Variants in GALNT2 observed in about 807,000 individuals in gnomAD.
GALNT2 encodes polypeptide N-acetylgalactosaminyltransferase 2, also known as UDP-GalNAc:polypeptide N-acetylgalactosaminyltransferase 2.
A neutral mutation model predicts 81.4 loss-of-function variants in GALNT2; 31 were observed. That is an observed-to-expected ratio of 0.38 (90% CI 0.29 to 0.51). The LOEUF is 0.51. GALNT2 is among the 20% of genes least tolerant of loss of function. GALNT2 has a pLI of 0.87. For missense variants in GALNT2, 629 were observed against 765.7 expected, an observed-to-expected ratio of 0.82 and a Z score of 2.11; for synonymous variants, 303 against 287.4, an observed-to-expected ratio of 1.05 and a Z score of -0.55.
At chr1:230,230,131 G>A (rs1397389285) in intron 3 of GALNT2, among the ~76,000 whole-genome samples, 1 of 152,194 alleles carries the variant, frequency 6.6e-6, no homozygotes, top group African/African-American at 2.4e-5. Context: ...AGTGATGTCA[G>A]TTGCTGCCAA....
At chr1:230,120,525 A>T (rs1003349607) in intron 1 of GALNT2, among the ~76,000 whole-genome samples, 1 of 152,126 alleles carries the variant, frequency 6.6e-6, no homozygotes, top group East Asian at 1.9e-4. Context: ...TTCCATGTCT[A>T]AGTGGAGTCC....
intron 3 of GALNT2, among the ~76,000 whole-genome samples, chr1:230,206,815 A>AT: frequency 6.6e-6 from 1 of 152,112 alleles, no homozygotes; most frequent in Non-Finnish European, 1.5e-5. Flanking sequence ...CCAGTTCTTA[A>AT]TTCTGTGACC....
chr1:230,255,527 C>T (rs982115114), intron 11 of GALNT2, 183 bp downstream of exon 11: 1 of 716,206 alleles, frequency 1.4e-6, no homozygotes, highest in Non-Finnish European at 2.3e-6. Context: ...GGCGCCTTTC[C>T]AGGGCATGAT....
intron 6 of GALNT2, among the ~76,000 whole-genome samples, chr1:230,238,070 A>G (rs192404569): frequency 6.6e-6 from 1 of 152,340 alleles, no homozygotes; most frequent in East Asian, 1.9e-4. Flanking sequence ...AAGCCAGATT[A>G]TGGAAAGCCT....
At chr1:230,254,827 A>T (rs1343763328) in intron 10 of GALNT2, among the ~76,000 whole-genome samples, 1 of 152,250 alleles carries the variant, frequency 6.6e-6, no homozygotes, top group Admixed American at 6.5e-5. Flanking sequence ...CTAGTGAAGA[A>T]TTCAGCACAA....
intron 1 of GALNT2, among the ~76,000 whole-genome samples, chr1:230,075,246 C>T (rs1328863797): frequency 6.6e-6 from 1 of 151,148 alleles, no homozygotes; most frequent in East Asian, 2.0e-4. Flanking sequence ...GTGCCTCAGC[C>T]TCCTGAGTGG....
chr1:230,138,496 G>T (rs999179637), intron 1 of GALNT2, among the ~76,000 whole-genome samples: 21 of 144,856 alleles, frequency 1.4e-4, no homozygotes, highest in African/African-American at 5.4e-4. Flanking sequence ...CTGCACCCCA[G>T]CCTGGGCGAT....
At chr1:230,130,302 A>G (rs1342772446) in intron 1 of GALNT2, among the ~76,000 whole-genome samples, 1 of 152,228 alleles carries the variant, frequency 6.6e-6, no homozygotes, top group African/African-American at 2.4e-5. Flanking sequence ...GCCAGGCCTC[A>G]TGATACCTTA....
At chr1:230,188,978 G>GGGA (rs1663431291) in intron 2 of GALNT2, among the ~76,000 whole-genome samples, 1 of 152,038 alleles carries the variant, frequency 6.6e-6, no homozygotes, top group Non-Finnish European at 1.5e-5. Flanking sequence ...AAGGAGCGGG[G>GGGA]GCCGGAAGAG....
intron 1 of GALNT2, among the ~76,000 whole-genome samples, chr1:230,128,315 T>C (rs7538126): frequency 0.068 from 10,278 of 151,622 alleles, 426 homozygotes; most frequent in African/African-American, 0.1. Context: ...TGTCGTGGTG[T>C]GTACAAGGGC....
At chr1:230,090,154 C>G (rs568110898) in intron 1 of GALNT2, among the ~76,000 whole-genome samples, 1 of 152,216 alleles carries the variant, frequency 6.6e-6, no homozygotes, top group East Asian at 1.9e-4. Flanking sequence ...GAAAGTTTGA[C>G]CCCATATGTG....
intron 1 of GALNT2, among the ~76,000 whole-genome samples, chr1:230,089,215 C>T (rs902459901): frequency 6.7e-6 from 1 of 148,404 alleles, no homozygotes; most frequent in South Asian, 2.1e-4. Flanking sequence ...GGTGTGATCT[C>T]GCCTCACAGC....
At chr1:230,061,473 C>T (rs949785512) in intron 1 of GALNT2, among the ~76,000 whole-genome samples, 1 of 152,078 alleles carries the variant, frequency 6.6e-6, no homozygotes, top group Non-Finnish European at 1.5e-5. Flanking sequence ...AGGCTGAGAG[C>T]ACATAGCTGG....
chr1:230,248,488 C>T (rs530486994), intron 8 of GALNT2, among the ~76,000 whole-genome samples: 3 of 152,248 alleles, frequency 2.0e-5, no homozygotes, highest in South Asian at 4.1e-4. Flanking sequence ...GGAGCAAGAG[C>T]GAGACCTGAG....
rs568301743 is a variant in GALNT2 at position 230,158,922 on chromosome 1, A to C, written c.127-19296A>C. Among the ~76,000 whole-genome samples the C allele has an allele frequency of 2.0e-4, 31 of 152,142 alleles. No homozygotes were observed. The South Asian group carries it at 6.0e-3, about 30-fold the overall frequency. ...TTGAACCTTGGACCTAGTGTGTCTG[A>C]GCAGTGCCCCAGCCCCCATGCCGCT... On this transcript the variant is annotated intron_variant, in intron 1 of 15. Transcript: ENST00000366672.
At chr1:230,177,523 G>A (rs1044467632) in intron 1 of GALNT2, among the ~76,000 whole-genome samples, 2 of 152,218 alleles carry the variant, frequency 1.3e-5, no homozygotes, top group African/African-American at 4.8e-5. Context: ...CTGTGGTCGT[G>A]CAGTTGTTAT....
upstream of GALNT2, among the ~76,000 whole-genome samples, chr1:230,065,275 T>C (rs148148463): frequency 6.6e-6 from 1 of 152,356 alleles, no homozygotes; most frequent in East Asian, 1.9e-4. Context: ...GAATATATTT[T>C]CCCTTGGACA....
At chr1:230,236,758 T>A (rs750092243) in intron 6 of GALNT2, 33 bp downstream of exon 6, 2 of 1,581,682 alleles carry the variant, frequency 1.3e-6, no homozygotes, top group Admixed American at 3.7e-5. Context: ...GCCAAGACAG[T>A]TGAATTCTGA....
chr1:230,236,383 A>G lies in GALNT2; in HGVS notation c.504A>G (p.Ile168Met). ...TTAAGAAAAGCCCGCCCCATCTCAT[A>G]AAAGAAATCATCTTGGTGGATGACT... ...SVLKKSPPHL[I>M]KEIILVDDYS... The change falls in exon 5 of 16, where the codon ATA (isoleucine) becomes ATG (methionine). Residue 168 changes from isoleucine (I) to methionine (M), a missense_variant. Transcript: ENST00000366672. 1.9e-6 allele frequency: 3 copies of G among 1,614,116 alleles called. No individual in the cohort carries two copies. Among genetic ancestry groups the G allele is most frequent in the Non-Finnish European group, 2.5e-6 (3 of 1,179,982 alleles).
Sources: allele counts gnomAD v4.1 joint callset (sites outside exome capture counted in the v4.1 genomes callset), GRCh38; gene constraint gnomAD v4.1.1; transcripts MANE v1.5; gene names NCBI Gene and HGNC (gene_info 2026-07-23, HGNC 2026-07-21).